UEVLD: variants seen among roughly 807,000 people sequenced by gnomAD.
UEVLD encodes the protein UEV and lactate/malate dehyrogenase domains.
Under a neutral mutation model 58.6 loss-of-function variants are expected in UEVLD, and 47 were observed. That is an observed-to-expected ratio of 0.80 (90% CI 0.63 to 1.02). The LOEUF is 1.02. Ranked by LOEUF, UEVLD falls within the 50% of genes least tolerant of loss-of-function variation. The probability of loss-of-function intolerance (pLI) is 0.00; values close to 1 mark genes in which losing one functional copy is unlikely to be tolerated. For synonymous variants in UEVLD, 197 were observed against 195.3 expected, an observed-to-expected ratio of 1.01 and a Z score of -0.07; for missense variants, 510 against 550.6, an observed-to-expected ratio of 0.93 and a Z score of 0.74.
intron 6 of UEVLD, 36 bp from the exon 7 acceptor site, chr11:18,558,366 G>A: frequency 7.2e-7 from 1 of 1,382,730 alleles, no homozygotes; most frequent in East Asian, 2.4e-5. Flanking sequence ...CACTGAACAT[G>A]GCCAGTGACT....
intron 1 of UEVLD, among the ~76,000 whole-genome samples, chr11:18,582,723 T>C (rs1436543032): frequency 3.9e-5 from 6 of 152,180 alleles, no homozygotes; most frequent in Non-Finnish European, 2.9e-5. Flanking sequence ...AAATTCTGCA[T>C]AACATTCTCT....
At chr11:18,585,168 G>A (rs527286506) in intron 1 of UEVLD, among the ~76,000 whole-genome samples, 2 of 152,116 alleles carry the variant, frequency 1.3e-5, no homozygotes, top group Non-Finnish European at 2.9e-5. Flanking sequence ...TGAGATTACA[G>A]GTGTGAGCCA....
intron 11 of UEVLD, among the ~76,000 whole-genome samples, chr11:18,533,820 A>G (rs975805331): frequency 6.6e-6 from 1 of 152,030 alleles, no homozygotes; most frequent in Non-Finnish European, 1.5e-5. Context: ...ATGTCTGGCT[A>G]ATTTTTGTAT....
At chr11:18,545,038 A>T (rs949667128) in intron 8 of UEVLD, among the ~76,000 whole-genome samples, 1 of 105,858 alleles carries the variant, frequency 9.4e-6, no homozygotes, top group Non-Finnish European at 1.9e-5. Context: ...ATGTGTGTGT[A>T]TATCTATCTA....
chr11:18,585,786 C>T (rs1464983903), intron 1 of UEVLD, among the ~76,000 whole-genome samples: 4 of 151,884 alleles, frequency 2.6e-5, no homozygotes, highest in South Asian at 2.1e-4. Context: ...TACAGGTGCC[C>T]ACCACCATGC....
At chr11:18,532,759 C>G (rs1006274796) in intron 11 of UEVLD, among the ~76,000 whole-genome samples, 1 of 152,082 alleles carries the variant, frequency 6.6e-6, no homozygotes, top group African/African-American at 2.4e-5. Flanking sequence ...GCTAGCCCCC[C>G]CTGCAATATG....
chr11:18,568,205 G>T (rs1852395467), intron 4 of UEVLD, among the ~76,000 whole-genome samples: 1 of 152,054 alleles, frequency 6.6e-6, no homozygotes, highest in South Asian at 2.1e-4. Flanking sequence ...AATAAAATCA[G>T]AACTGTCTAA....
intron 6 of UEVLD, among the ~76,000 whole-genome samples, chr11:18,559,217 GAGA>G (rs145577999): frequency 0.027 from 4,133 of 150,852 alleles, 183 homozygotes; most frequent in African/African-American, 0.096. Context: ...TTTTTTTTCT[GAGA>G]AGGAGTCTTG....
chr11:18,582,752 C>T (rs1467758815), intron 1 of UEVLD, among the ~76,000 whole-genome samples: 3 of 152,170 alleles, frequency 2.0e-5, no homozygotes, highest in Non-Finnish European at 2.9e-5. Flanking sequence ...GTGTCTCAAG[C>T]AGTGCCATGT....
intron 6 of UEVLD, among the ~76,000 whole-genome samples, chr11:18,562,412 C>T (rs1369456365): frequency 6.6e-6 from 1 of 152,034 alleles, no homozygotes. Flanking sequence ...TGTAGTGGCA[C>T]ACGCCTGTAA....
chr11:18,537,480 G>A (rs905352007), intron 9 of UEVLD, among the ~76,000 whole-genome samples: 10 of 150,974 alleles, frequency 6.6e-5, no homozygotes, highest in Non-Finnish European at 1.0e-4. Context: ...ACAGGCACCC[G>A]CCACCACACC....
intron 11 of UEVLD, among the ~76,000 whole-genome samples, chr11:18,533,172 C>A (rs915016013): frequency 6.6e-5 from 10 of 151,620 alleles, no homozygotes; most frequent in African/African-American, 2.4e-4. Flanking sequence ...GGATTACAGG[C>A]ATGGGCCACC....
intron 10 of UEVLD, among the ~76,000 whole-genome samples, chr11:18,535,738 T>C (rs1428812981): frequency 6.6e-6 from 1 of 152,082 alleles, no homozygotes; most frequent in African/African-American, 2.4e-5. Flanking sequence ...TGCCTGAACA[T>C]ATAATATGGC....
chr11:18,558,194 A>G, intron 7 of UEVLD, 34 bp downstream of exon 7: 2 of 1,493,990 alleles, frequency 1.3e-6, no homozygotes, highest in Non-Finnish European at 1.8e-6. Context: ...TGAAGATCTA[A>G]TAAGGCATAC....
In UEVLD at chr11:18,530,305, A is replaced by G. The variant is rs973145602; in HGVS notation, c.*2015T>C. On this transcript the variant is annotated 3_prime_UTR_variant, in exon 12 of 12. Transcript: ENST00000396197. Reference sequence around the variant, plus strand: ...ATAGAACTAAATGCTTTTCTCTTCAAATGTCCAAGGTTTTTATTCAGTTAA... The same window carrying G: ...ATAGAACTAAATGCTTTTCTCTTCAGATGTCCAAGGTTTTTATTCAGTTAA... 1 of 152,200 alleles carries G rather than the reference A, an allele frequency of 6.6e-6. No homozygotes were observed. Among genetic ancestry groups the G allele is most frequent in the Non-Finnish European group, 1.5e-5 (1 of 68,032 alleles). 9.4% of individuals were successfully genotyped at this position (152,200 alleles called of 1,614,324 possible).
rs1565144136 is a variant in UEVLD, at chr11:18,580,782, G to C, written c.43-1974C>G. 2.0e-5 allele frequency among the ~76,000 whole-genome samples: 3 copies of C among 152,170 alleles called. No homozygotes were observed. The South Asian group carries it at 6.2e-4, about 32-fold the overall frequency. On this transcript the variant is annotated intron_variant, in intron 1 of 11. Coordinates refer to ENST00000396197, the MANE Select transcript of UEVLD (RefSeq NM_001040697.4). ...CACAAAGTAGACTAGTGGAAACCTA[G>C]GATTGTGGGAGTTTGGGAGAAAATG...
intron 9 of UEVLD, among the ~76,000 whole-genome samples, chr11:18,542,819 A>G (rs1371306916): frequency 6.6e-6 from 1 of 150,942 alleles, no homozygotes; most frequent in Non-Finnish European, 1.5e-5. Flanking sequence ...TTTAATGTGC[A>G]TGGTCTTTCT....
chr11:18,551,782 G>A (rs1851541124), intron 7 of UEVLD, among the ~76,000 whole-genome samples: 1 of 152,138 alleles, frequency 6.6e-6, no homozygotes, highest in African/African-American at 2.4e-5. Flanking sequence ...TTCCTGCTAA[G>A]CCAAGGTCTA....
rs1009936491 is a variant in UEVLD, at chr11:18,588,670, G to A, written c.-16C>T. 1.9e-5 allele frequency: 31 copies of A among 1,607,500 alleles called. No homozygotes were observed. Among genetic ancestry groups the A allele is most frequent in the Non-Finnish European group, 2.4e-5 (28 of 1,179,658 alleles). The stretch of plus-strand genomic sequence containing the variant: ...CGAACTCCATCTCCAGGCCGGTCCC[G>A]AGCTAGGTCCCAGGACTCCAGCCCC... On this transcript the variant is annotated 5_prime_UTR_variant, in exon 1 of 12. Coordinates refer to ENST00000396197, the MANE Select transcript of UEVLD (RefSeq NM_001040697.4).
Sources: gnomAD v4.1 joint callset for allele counts (sites outside exome capture counted in the v4.1 genomes callset) on GRCh38, gnomAD v4.1.1 for gene constraint, MANE v1.5 for transcripts, NCBI Gene and HGNC (gene_info 2026-07-23, HGNC 2026-07-21) for gene names.